The following CENPW variants were observed in gnomAD, a reference collection of about 807,000 sequenced individuals.
CENPW encodes centromere protein W.
CENPW carries 3 observed loss-of-function variants against 11.1 expected under a neutral mutation model. The observed-to-expected ratio is 0.27, with a 90% CI of 0.12 to 0.70. The LOEUF (loss-of-function observed/expected upper bound fraction) is 0.70, where lower values mean the gene tolerates loss of function less well. Among genes scored for constraint, CENPW ranks in the 30% least tolerant of loss-of-function variants. CENPW has a pLI of 0.77. For synonymous variants in CENPW, 38 were observed against 42.0 expected, an observed-to-expected ratio of 0.91 and a Z score of 0.37; for missense variants, 100 against 105.6, an observed-to-expected ratio of 0.95 and a Z score of 0.23.
the CENPW span, among the ~76,000 whole-genome samples, chr6:126,372,508 A>G: frequency 1.3e-5 from 2 of 152,160 alleles, no homozygotes; most frequent in Non-Finnish European, 2.9e-5. Context: ...AATACTTATA[A>G]CACTTCTGTA....
At chr6:126,457,971 C>T in the CENPW span, among the ~76,000 whole-genome samples, 1 of 151,386 alleles carries the variant, frequency 6.6e-6, no homozygotes, top group African/African-American at 2.4e-5. Context: ...TCACCATCAT[C>T]TTTCTAGCTC....
At chr6:126,389,295 C>T in the CENPW span, among the ~76,000 whole-genome samples, 5 of 151,798 alleles carry the variant, frequency 3.3e-5, no homozygotes, top group Non-Finnish European at 7.4e-5. Context: ...ATGAATTGGT[C>T]ACATTTTTAA....
the CENPW span, among the ~76,000 whole-genome samples, chr6:126,410,199 C>G: frequency 1.3e-5 from 2 of 152,002 alleles, no homozygotes; most frequent in Admixed American, 1.3e-4. Flanking sequence ...TGATGAATTT[C>G]TTCATTTATT....
the CENPW span, among the ~76,000 whole-genome samples, chr6:126,445,056 C>G: frequency 5.0e-4 from 76 of 151,278 alleles, 1 homozygote; most frequent in South Asian, 0.012. Context: ...CCTGCATGAT[C>G]TTTCTGTTCT....
chr6:126,417,003 A>T, the CENPW span, among the ~76,000 whole-genome samples: 7 of 152,212 alleles, frequency 4.6e-5, no homozygotes, highest in African/African-American at 1.4e-4. Context: ...CACCTGGAAA[A>T]GCCACAGACA....
the CENPW span, among the ~76,000 whole-genome samples, chr6:126,449,597 A>AT: frequency 2.0e-5 from 3 of 151,192 alleles, no homozygotes; most frequent in Non-Finnish European, 4.5e-5. Flanking sequence ...AGATTTACCC[A>AT]TTTTCTCTGC....
At chr6:126,359,554 C>G in the CENPW span, among the ~76,000 whole-genome samples, 4 of 151,996 alleles carry the variant, frequency 2.6e-5, no homozygotes, top group Non-Finnish European at 2.9e-5. Flanking sequence ...ATGTGTCTGT[C>G]TAAGTTTTTT....
the CENPW span, among the ~76,000 whole-genome samples, chr6:126,420,374 C>T: frequency 6.6e-6 from 1 of 152,002 alleles, no homozygotes; most frequent in African/African-American, 2.4e-5. Flanking sequence ...CAAGTATCTT[C>T]TTTAGACACA....
downstream of CENPW, among the ~76,000 whole-genome samples, chr6:126,353,264 A>G (rs1031154811): frequency 1.5e-5 from 2 of 136,570 alleles, no homozygotes; most frequent in Non-Finnish European, 3.2e-5. Flanking sequence ...TCTCTTTACT[A>G]TTTTCCTGTA....
At chr6:126,418,644 C>A in the CENPW span, among the ~76,000 whole-genome samples, 2 of 152,000 alleles carry the variant, frequency 1.3e-5, no homozygotes, top group Admixed American at 1.3e-4. Context: ...TTAAAAAATC[C>A]AGTAAACTCC....
the CENPW span, among the ~76,000 whole-genome samples, chr6:126,447,589 C>T: frequency 1.3e-5 from 2 of 151,176 alleles, no homozygotes; most frequent in African/African-American, 4.8e-5. Context: ...GTTCACTTCA[C>T]TCAGTTCTTC....
intron 2 of CENPW, 108 bp downstream of exon 2, chr6:126,346,426 C>T (rs1211321990): frequency 9.6e-6 from 5 of 520,632 alleles, no homozygotes; most frequent in South Asian, 3.9e-5. Context: ...TTGATTGAGT[C>T]GATATTTGGC....
chr6:126,465,836 A>G, the CENPW span, among the ~76,000 whole-genome samples: 1 of 152,100 alleles, frequency 6.6e-6, no homozygotes, highest in African/African-American at 2.4e-5. Flanking sequence ...CTAGATTGAA[A>G]ACAAAGACGT....
the CENPW span, among the ~76,000 whole-genome samples, chr6:126,471,074 C>T: frequency 3.8e-4 from 58 of 152,108 alleles, no homozygotes; most frequent in Middle Eastern, 0.01. Context: ...GGTTTTGAAA[C>T]GTGAAAAGGA....
chr6:126,420,883 CT>C, the CENPW span, among the ~76,000 whole-genome samples: 387 of 151,284 alleles, frequency 2.6e-3, no homozygotes, highest in Middle Eastern at 3.4e-3. Context: ...TCAGCTTGCT[CT>C]TTTTTTTTAT....
chr6:126,361,968 C>T, the CENPW span, among the ~76,000 whole-genome samples: 1 of 152,166 alleles, frequency 6.6e-6, no homozygotes, highest in Non-Finnish European at 1.5e-5. Context: ...TGGGCTCTGG[C>T]TCTGCTGGGG....
At chr6:126,372,776 G>A in the CENPW span, among the ~76,000 whole-genome samples, 1 of 152,116 alleles carries the variant, frequency 6.6e-6, no homozygotes, top group Non-Finnish European at 1.5e-5. Context: ...CACTGAAGAA[G>A]TACAGAAAAA....
At chr6:126,365,798 T>C in the CENPW span, among the ~76,000 whole-genome samples, 1 of 152,256 alleles carries the variant, frequency 6.6e-6, no homozygotes, top group Non-Finnish European at 1.5e-5. Flanking sequence ...TTTGTTTTTG[T>C]TCTCCTTAAC....
the CENPW span, among the ~76,000 whole-genome samples, chr6:126,422,673 T>C: frequency 6.6e-6 from 1 of 152,078 alleles, no homozygotes. Context: ...TACACTCTAC[T>C]TCATCCCTCA....
Sources: allele counts gnomAD v4.1 joint callset (sites outside exome capture counted in the v4.1 genomes callset), GRCh38; gene constraint gnomAD v4.1.1; transcripts MANE v1.5; gene names NCBI Gene and HGNC (gene_info 2026-07-23, HGNC 2026-07-21).